LYPD6B: variants seen among roughly 807,000 people sequenced by gnomAD.
LYPD6B encodes LY6/PLAUR domain containing 6B.
LYPD6B carries 17 observed loss-of-function variants against 22.8 expected under a neutral mutation model. That is an observed-to-expected ratio of 0.75 (90% CI 0.51 to 1.12). The LOEUF (loss-of-function observed/expected upper bound fraction) is 1.12, where lower values mean the gene tolerates loss of function less well. Among genes scored for constraint, LYPD6B ranks in the 50% most tolerant of loss-of-function variants. LYPD6B has a pLI of 0.00. For missense variants in LYPD6B, 221 were observed against 258.3 expected (o/e 0.86, Z 0.99); for synonymous variants, 106 against 91.6 (o/e 1.16, Z -0.90).
At chr2:149,041,269 G>C (rs1683074685) in intron 1 of LYPD6B, among the ~76,000 whole-genome samples, 1 of 152,158 alleles carries the variant, frequency 6.6e-6, no homozygotes, top group South Asian at 2.1e-4. Context: ...CAGCTCTTTG[G>C]TGGCTTCTAG....
intron 3 of LYPD6B, among the ~76,000 whole-genome samples, chr2:149,166,560 C>A (rs1690435033): frequency 6.6e-6 from 1 of 152,080 alleles, no homozygotes; most frequent in East Asian, 1.9e-4. Flanking sequence ...GACTGCCAAT[C>A]TAAGGCTTAA....
chr2:149,119,462 A>C (rs1456079855), intron 1 of LYPD6B, among the ~76,000 whole-genome samples: 1 of 152,196 alleles, frequency 6.6e-6, no homozygotes. Context: ...GACCTTGGGA[A>C]TGGGGAAAGT....
At chr2:149,213,876 G>A (rs931963946) in intron 6 of LYPD6B, among the ~76,000 whole-genome samples, 1 of 152,092 alleles carries the variant, frequency 6.6e-6, no homozygotes, top group African/African-American at 2.4e-5. Context: ...GTGCAGCCAG[G>A]GTTGAGAACC....
At position 149,214,660 on chromosome 2, in the gene LYPD6B, A is replaced by T; in HGVS notation, c.574A>T (p.Thr192Ser). The T allele has an allele frequency of 1.2e-6, 2 of 1,613,956 alleles. No individual in the cohort carries two copies. The change falls in exon 7 of 7, where the codon ACA (threonine) becomes TCA (serine). Residue 192 changes from threonine (T) to serine (S), a missense_variant. By Grantham distance (58) the Thr-to-Ser change is moderately conservative. Transcript: ENST00000409642. ...GAGAACATCTGGCAGCAGTGCCCCC[A>T]CACTCTACCTACCAGTGCTTGCCTG... ...AQRTSGSSAP[T>S]LYLPVLAWVF...
intron 2 of LYPD6B, among the ~76,000 whole-genome samples, chr2:149,136,752 A>G (rs1055882072): frequency 6.6e-6 from 1 of 152,238 alleles, no homozygotes; most frequent in African/African-American, 2.4e-5. Context: ...CGTGAAAAAA[A>G]TGTGAATACT....
At chr2:149,093,197 A>T (rs115016203) in intron 1 of LYPD6B, among the ~76,000 whole-genome samples, 1,914 of 152,248 alleles carry the variant, frequency 0.013, 14 homozygotes, top group African/African-American at 0.02. Flanking sequence ...TTGGGAATGC[A>T]TAGGTAGGAA....
chr2:149,159,598 G>A (rs1689923026), intron 2 of LYPD6B, among the ~76,000 whole-genome samples: 1 of 146,230 alleles, frequency 6.8e-6, no homozygotes, highest in African/African-American at 2.7e-5. Flanking sequence ...GCGTGTGTGT[G>A]TGTGTGTGTG....
chr2:149,159,590 G>A (rs959831277), intron 2 of LYPD6B, among the ~76,000 whole-genome samples: 6 of 9,184 alleles, frequency 6.5e-4, no homozygotes, highest in African/African-American at 1.1e-3. Context: ...ATATGTGTGC[G>A]TGTGTGTGTG....
chr2:149,062,465 G>A (rs1167521467), intron 1 of LYPD6B, among the ~76,000 whole-genome samples: 1 of 152,120 alleles, frequency 6.6e-6, no homozygotes, highest in Non-Finnish European at 1.5e-5. Flanking sequence ...CAAAGTTGAG[G>A]ACTTCATCAA....
At chr2:149,180,350 G>A (rs1691622805) in intron 3 of LYPD6B, among the ~76,000 whole-genome samples, 1 of 152,138 alleles carries the variant, frequency 6.6e-6, no homozygotes, top group Non-Finnish European at 1.5e-5. Context: ...ATGATTCCCT[G>A]CTTCTGGGTC....
chr2:149,203,730 C>G (rs998129032), intron 3 of LYPD6B, among the ~76,000 whole-genome samples: 1 of 152,190 alleles, frequency 6.6e-6, no homozygotes, highest in African/African-American at 2.4e-5. Flanking sequence ...TGTTTTATAA[C>G]TCTGCTGTTG....
intron 1 of LYPD6B, among the ~76,000 whole-genome samples, chr2:149,120,383 A>ATTTTTTTTTTTTTTT (rs869074241): frequency 6.2e-5 from 3 of 48,618 alleles, no homozygotes; most frequent in African/African-American, 2.1e-4. Flanking sequence ...ATATATATAT[A>ATTTTTTTTTTTTTTT]TTTTTTTTTT....
chr2:149,043,238 G>A lies in LYPD6B; in HGVS notation c.-67+4437G>A, dbSNP rs371043842. Among the ~76,000 whole-genome samples, 26 of 152,172 alleles carry A rather than the reference G, an allele frequency of 1.7e-4. No homozygotes were observed. In the South Asian group the frequency reaches 3.3e-3, roughly 19 times the overall value. ...TTTAAAGAATCAATTTTATTTGATA[G>A]AAAAAGTGGTCTCTTTACTAAGGAC... On this transcript the variant is annotated intron_variant, in intron 1 of 6. Transcript: ENST00000409642.
At chr2:149,154,940 A>G (rs1203189727) in intron 2 of LYPD6B, among the ~76,000 whole-genome samples, 3 of 152,248 alleles carry the variant, frequency 2.0e-5, no homozygotes, top group Admixed American at 6.5e-5. Flanking sequence ...AAGCTAATAC[A>G]TAACCAATTG....
intron 5 of LYPD6B, 107 bp downstream of exon 5, chr2:149,208,519 C>T (rs570969555): frequency 4.2e-5 from 37 of 877,374 alleles, no homozygotes; most frequent in Admixed American, 1.1e-4. Flanking sequence ...TGAGACTATC[C>T]GGACATCAGA....
chr2:149,041,848 C>T lies in LYPD6B; in HGVS notation c.-67+3047C>T, dbSNP rs1034339040. Among the ~76,000 whole-genome samples the T allele has an allele frequency of 2.6e-5, 4 of 152,206 alleles. No individual in the cohort carries two copies. The East Asian group carries it at 7.7e-4, about 29-fold the overall frequency. On this transcript the variant is annotated intron_variant, in intron 1 of 6. Coordinates refer to ENST00000409642, the MANE Select transcript of LYPD6B (RefSeq NM_177964.5). ...TTGGTCCAATTCCTCAACAAGCTTA[C>T]ACCTGAAACCTGGAAAAGCTTCTCT...
chr2:149,186,637 C>T (rs1692125386), intron 3 of LYPD6B, among the ~76,000 whole-genome samples: 1 of 152,202 alleles, frequency 6.6e-6, no homozygotes, highest in East Asian at 1.9e-4. Flanking sequence ...AAAAGTCTCA[C>T]TCTGTCACTC....
At chr2:149,186,137 A>T (rs1223357000) in intron 3 of LYPD6B, among the ~76,000 whole-genome samples, 1 of 152,268 alleles carries the variant, frequency 6.6e-6, no homozygotes, top group Non-Finnish European at 1.5e-5. Flanking sequence ...AGTCTTACTG[A>T]GGAAGGCGTG....
At chr2:149,085,635 T>C (rs750981686) in intron 1 of LYPD6B, among the ~76,000 whole-genome samples, 67 of 152,240 alleles carry the variant, frequency 4.4e-4, no homozygotes, top group Admixed American at 1.3e-4. Context: ...AGCAATGGGC[T>C]GTGGATGTGG....
Sources: gnomAD v4.1 joint callset for allele counts (sites outside exome capture counted in the v4.1 genomes callset) on GRCh38, gnomAD v4.1.1 for gene constraint, MANE v1.5 for transcripts, NCBI Gene and HGNC (gene_info 2026-07-23, HGNC 2026-07-21) for gene names.